ASIC2: variants seen among roughly 807,000 people sequenced by gnomAD.
ASIC2 encodes the protein acid-sensing ion channel 2.
In ASIC2, 25 loss-of-function variants were observed where a neutral mutation model predicts 57.3. The ratio of observed to expected loss-of-function variants is 0.44; its 90% CI spans 0.32 to 0.61. The LOEUF (loss-of-function observed/expected upper bound fraction) is 0.61. ASIC2 is among the 20% of genes least tolerant of loss of function. The pLI, the probability that ASIC2 is intolerant of heterozygous loss-of-function variation, is 0.06. For synonymous variants in ASIC2, 319 were observed against 307.5 expected (o/e 1.04, Z -0.39); for missense variants, 641 against 738.1 (o/e 0.87, Z 1.52).
intron 1 of ASIC2, among the ~76,000 whole-genome samples, chr17:33,124,083 G>A (rs2092313830): frequency 6.6e-6 from 1 of 152,204 alleles, no homozygotes; most frequent in Non-Finnish European, 1.5e-5. Flanking sequence ...AGGTCAAATA[G>A]GTAACGACCC....
At position 33,997,945 on chromosome 17, in the gene ASIC2, T is replaced by C. The variant is rs571973554; in HGVS notation, c.555+158033A>G. Among the ~76,000 whole-genome samples, 3 of 152,342 alleles carry C rather than the reference T, an allele frequency of 2.0e-5. No homozygotes were observed. In the South Asian group the frequency reaches 6.2e-4, roughly 32 times the overall value. On this transcript the variant is annotated intron_variant, in intron 1 of 9. Transcript: ENST00000359872. ...ATTTTTTGAAAAAGTTTGAGAAGAA[T>C]TGGCATTATTTTTTAAATAATTGAA...
intron 1 of ASIC2, among the ~76,000 whole-genome samples, chr17:33,812,256 T>C (rs1912443939): frequency 2.0e-5 from 3 of 152,166 alleles, no homozygotes; most frequent in Non-Finnish European, 4.4e-5. Flanking sequence ...TGCCATTTAA[T>C]TGAGTCAATG....
chr17:33,360,865 G>A (rs1908575843), intron 1 of ASIC2, among the ~76,000 whole-genome samples: 1 of 152,188 alleles, frequency 6.6e-6, no homozygotes, highest in Non-Finnish European at 1.5e-5. Context: ...TGGGAGGAAA[G>A]AGGAATTCCC....
chr17:33,214,433 C>T (rs1364808181), intron 1 of ASIC2, among the ~76,000 whole-genome samples: 1 of 152,184 alleles, frequency 6.6e-6, no homozygotes, highest in East Asian at 1.9e-4. Context: ...TCCTCTGGAG[C>T]TGGCAGACAT....
At chr17:34,132,371 G>C (rs561306141) in intron 1 of ASIC2, among the ~76,000 whole-genome samples, 11 of 152,188 alleles carry the variant, frequency 7.2e-5, no homozygotes, top group Non-Finnish European at 8.8e-5. Context: ...TGGAAGGACA[G>C]GTAGACGGGT....
At chr17:33,084,781 T>C (rs772162114) in intron 3 of ASIC2, among the ~76,000 whole-genome samples, 10 of 152,164 alleles carry the variant, frequency 6.6e-5, no homozygotes, top group Non-Finnish European at 1.2e-4. Flanking sequence ...CTGGTGGTCC[T>C]GGGATTGTGC....
chr17:33,868,513 A>G (rs1221664822), intron 1 of ASIC2, among the ~76,000 whole-genome samples: 1 of 151,444 alleles, frequency 6.6e-6, no homozygotes, highest in Non-Finnish European at 1.5e-5. Context: ...AGAAAAAAAT[A>G]TAGGCATAAA....
intron 2 of ASIC2, among the ~76,000 whole-genome samples, chr17:33,095,964 G>A (rs2092177319): frequency 6.6e-6 from 1 of 152,148 alleles, no homozygotes; most frequent in South Asian, 2.1e-4. Flanking sequence ...TCAGCAGCTG[G>A]GCCACTTATA....
At chr17:33,297,307 C>T (rs972687662), upstream of ASIC2, among the ~76,000 whole-genome samples, 8 of 152,160 alleles carry the variant, frequency 5.3e-5, no homozygotes, top group African/African-American at 1.4e-4. Context: ...GGAGTATAAG[C>T]CTACCAACCC....
chr17:33,732,822 G>A (rs1212178111), intron 1 of ASIC2, among the ~76,000 whole-genome samples: 1 of 152,126 alleles, frequency 6.6e-6, no homozygotes, highest in Admixed American at 6.5e-5. Context: ...AATTTTAGTA[G>A]AGACAGGGTT....
intron 1 of ASIC2, among the ~76,000 whole-genome samples, chr17:33,230,502 GT>G (rs1431106187): frequency 6.6e-6 from 1 of 152,230 alleles, no homozygotes; most frequent in African/African-American, 2.4e-5. Context: ...TGGTGTGAAG[GT>G]ACAGAGCAGG....
chr17:33,848,901 AT>A (rs1487996376), intron 1 of ASIC2, among the ~76,000 whole-genome samples: 1 of 152,222 alleles, frequency 6.6e-6, no homozygotes, highest in Non-Finnish European at 1.5e-5. Flanking sequence ...CTTACAACAG[AT>A]AAACATTGTT....
At chr17:34,151,524 C>G (rs545652886) in intron 1 of ASIC2, among the ~76,000 whole-genome samples, 2 of 152,152 alleles carry the variant, frequency 1.3e-5, no homozygotes, top group Non-Finnish European at 2.9e-5. Flanking sequence ...GACAAGTGAG[C>G]TTCCTAGAGT....
At chr17:34,018,557 A>G (rs1597976150) in intron 1 of ASIC2, among the ~76,000 whole-genome samples, 1 of 152,328 alleles carries the variant, frequency 6.6e-6, no homozygotes, top group East Asian at 1.9e-4. Flanking sequence ...AATTTGGGCA[A>G]AGTAAATTGA....
Position 33,378,630 on chromosome 17 carries a change from G to A in ASIC2, c.556-266563C>T, listed in dbSNP as rs191463147. On this transcript the variant is annotated intron_variant, in intron 1 of 9. Transcript: ENST00000359872. Reference sequence around the variant, plus strand: ...CAAAATATGTAGCAAATTAGATTACGCAGCAGGCTTTTGGTGAGAGGTGAT... The same window carrying A: ...CAAAATATGTAGCAAATTAGATTACACAGCAGGCTTTTGGTGAGAGGTGAT... 1.3e-3 allele frequency among the ~76,000 whole-genome samples: 205 copies of A among 152,342 alleles called. No individual in the cohort carries two copies. In the Middle Eastern group the frequency reaches 0.027, roughly 20 times the overall value.
chr17:33,190,151 T>A lies in ASIC2; in HGVS notation c.709-78084A>T, dbSNP rs181847789. ...ACATAAAAAATCCTAAAGAATTTAT[T>A]TAAAAGTTACCAAAACTAATAAATG... On this transcript the variant is annotated intron_variant, in intron 1 of 9. Transcript: ENST00000225823. Among the ~76,000 whole-genome samples, 1,220 of 152,288 alleles carry A rather than the reference T, an allele frequency of 8.0e-3. 15 individuals carry two copies. Among genetic ancestry groups the A allele is most frequent in the African/African-American group, 0.028 (1,147 of 41,550 alleles).
chr17:33,939,015 C>G lies in ASIC2; in HGVS notation c.555+216963G>C, dbSNP rs73274570. Among the ~76,000 whole-genome samples, 324 of 152,358 alleles carry G rather than the reference C, an allele frequency of 2.1e-3. 4 individuals carry two copies. The highest frequency in any genetic ancestry group is 7.5e-3 in the African/African-American group (312 of 41,578). On this transcript the variant is annotated intron_variant, in intron 1 of 9. Transcript: ENST00000359872. ...CTGTGGGCACTGCCCGGGGCCAGCC[C>G]TCCCACCCAGGCAGTTCCTGCTGGC...
At chr17:33,027,289 T>G (rs957820441) in intron 4 of ASIC2, among the ~76,000 whole-genome samples, 3 of 152,224 alleles carry the variant, frequency 2.0e-5, no homozygotes, top group Non-Finnish European at 4.4e-5. Flanking sequence ...TGATTAGATT[T>G]GGGCCCACCT....
At chr17:33,372,999 A>T (rs146463935) in intron 1 of ASIC2, among the ~76,000 whole-genome samples, 110 of 152,242 alleles carry the variant, frequency 7.2e-4, no homozygotes, top group African/African-American at 2.6e-3. Flanking sequence ...TCCATCAGTG[A>T]TGCCCCTGGG....
Sources: gnomAD v4.1 joint callset for allele counts (sites outside exome capture counted in the v4.1 genomes callset) on GRCh38, gnomAD v4.1.1 for gene constraint, MANE v1.5 for transcripts, NCBI Gene and HGNC (gene_info 2026-07-23, HGNC 2026-07-21) for gene names.